Variants in NFIA observed in about 807,000 individuals in gnomAD.
NFIA encodes the protein nuclear factor I A.
A neutral mutation model predicts 62.8 loss-of-function variants in NFIA; 8 were observed. That is an observed-to-expected ratio of 0.13 (90% CI 0.07 to 0.23). The LOEUF (loss-of-function observed/expected upper bound fraction) is 0.23. NFIA is among the 10% of genes least tolerant of loss of function. The probability of loss-of-function intolerance (pLI) is 1.00; values close to 1 mark genes in which losing one functional copy is unlikely to be tolerated. For missense variants in NFIA, 410 were observed against 642.1 expected (o/e 0.64, Z 3.91); for synonymous variants, 235 against 238.1 (o/e 0.99, Z 0.12).
chr1:61,235,993 G>C (rs985651014), intron 2 of NFIA, among the ~76,000 whole-genome samples: 3 of 152,032 alleles, frequency 2.0e-5, no homozygotes, highest in African/African-American at 7.2e-5. Context: ...GGAATGATAT[G>C]TTATTTACAT....
chr1:61,383,207 G>A (rs1164400349), intron 6 of NFIA, 30 bp from the exon 7 acceptor site: 10 of 1,612,058 alleles, frequency 6.2e-6, no homozygotes, highest in East Asian at 4.5e-5. Context: ...ATGAATTAAA[G>A]TGTACTTACC....
chr1:61,324,388 A>G (rs373102200), intron 3 of NFIA, among the ~76,000 whole-genome samples: 5 of 152,220 alleles, frequency 3.3e-5, no homozygotes, highest in African/African-American at 1.2e-4. Flanking sequence ...TACCAAAGGA[A>G]GACTAGAATA....
At chr1:61,265,684 A>T (rs1247406861) in intron 2 of NFIA, among the ~76,000 whole-genome samples, 2 of 152,226 alleles carry the variant, frequency 1.3e-5, no homozygotes, top group East Asian at 3.8e-4. Flanking sequence ...ACATATTTTT[A>T]AGTATTATCC....
intron 2 of NFIA, among the ~76,000 whole-genome samples, chr1:61,178,074 C>G (rs147102555): frequency 6.6e-6 from 1 of 152,108 alleles, no homozygotes; most frequent in African/African-American, 2.4e-5. Flanking sequence ...TCCCCTAGAT[C>G]GCCAGAGATC....
intron 3 of NFIA, among the ~76,000 whole-genome samples, chr1:61,282,888 T>C (rs1446835453): frequency 6.6e-6 from 1 of 151,150 alleles, no homozygotes; most frequent in Non-Finnish European, 1.5e-5. Flanking sequence ...ATGATTTCCT[T>C]TAGGTTTAAT....
chr1:61,113,045 T>A (rs1646731269), intron 2 of NFIA, among the ~76,000 whole-genome samples: 1 of 152,182 alleles, frequency 6.6e-6, no homozygotes, highest in Non-Finnish European at 1.5e-5. Context: ...AAATTTCTCC[T>A]TAAAATGGTA....
At chr1:61,193,429 T>G (rs1651778890) in intron 2 of NFIA, among the ~76,000 whole-genome samples, 1 of 152,224 alleles carries the variant, frequency 6.6e-6, no homozygotes, top group African/African-American at 2.4e-5. Flanking sequence ...GAAGTCACTC[T>G]CTCTGGTGTT....
At chr1:61,228,619 C>T (rs1654476531) in intron 2 of NFIA, among the ~76,000 whole-genome samples, 1 of 152,040 alleles carries the variant, frequency 6.6e-6, no homozygotes, top group South Asian at 2.1e-4. Context: ...AAAATTTCTG[C>T]AGTATTCAAT....
intron 2 of NFIA, among the ~76,000 whole-genome samples, chr1:61,141,182 G>C (rs914935701): frequency 1.3e-5 from 2 of 152,058 alleles, no homozygotes; most frequent in African/African-American, 4.8e-5. Flanking sequence ...GGGTGGGATA[G>C]TCTCTGATGT....
At chr1:61,323,777 A>G (rs940157783) in intron 3 of NFIA, among the ~76,000 whole-genome samples, 29 of 152,208 alleles carry the variant, frequency 1.9e-4, no homozygotes, top group South Asian at 1.0e-3. Context: ...GCTTTAGAGG[A>G]CTACCAAATA....
At chr1:61,165,449 C>T (rs899769426) in intron 2 of NFIA, among the ~76,000 whole-genome samples, 6 of 152,130 alleles carry the variant, frequency 3.9e-5, no homozygotes, top group African/African-American at 7.2e-5. Context: ...TACCAAACCA[C>T]GTATGTATTT....
intron 2 of NFIA, among the ~76,000 whole-genome samples, chr1:61,127,083 C>A (rs334738): frequency 0.78 from 116,075 of 149,446 alleles, 46,012 homozygotes; most frequent in Middle Eastern, 0.87. Flanking sequence ...TCGCTTGAAC[C>A]CAGGAGGTGG....
intron 2 of NFIA, among the ~76,000 whole-genome samples, chr1:61,105,444 T>C (rs1168982442): frequency 2.0e-5 from 3 of 151,982 alleles, no homozygotes; most frequent in African/African-American, 7.2e-5. Flanking sequence ...ATTAGCAGAA[T>C]TATAGCATCT....
chr1:61,200,248 G>A (rs1344372881), intron 2 of NFIA, among the ~76,000 whole-genome samples: 3 of 151,184 alleles, frequency 2.0e-5, no homozygotes, highest in Non-Finnish European at 4.4e-5. Context: ...TCATGATCTT[G>A]TGCAAATCAC....
At chr1:61,374,093 G>A (rs770375645) in intron 6 of NFIA, among the ~76,000 whole-genome samples, 1 of 152,116 alleles carries the variant, frequency 6.6e-6, no homozygotes, top group Non-Finnish European at 1.5e-5. Context: ...GTGGCTAGTA[G>A]CTACCATATT....
intron 10 of NFIA, among the ~76,000 whole-genome samples, chr1:61,430,708 T>G (rs1667063880): frequency 1.3e-5 from 2 of 152,234 alleles, no homozygotes; most frequent in South Asian, 4.1e-4. Context: ...GCCTTCTCTT[T>G]AGCCTTGCCT....
chr1:61,081,190 G>C (rs1221182692), upstream of NFIA, among the ~76,000 whole-genome samples: 2 of 151,910 alleles, frequency 1.3e-5, no homozygotes, highest in African/African-American at 4.8e-5. Context: ...AGGGATGGGG[G>C]CTTAGAAGAG....
At chr1:61,323,358 A>T (rs1475378501) in intron 3 of NFIA, among the ~76,000 whole-genome samples, 2 of 152,200 alleles carry the variant, frequency 1.3e-5, no homozygotes, top group South Asian at 2.1e-4. Flanking sequence ...TTTCAGCCTT[A>T]CTGTCAGTCC....
intron 2 of NFIA, among the ~76,000 whole-genome samples, chr1:61,138,773 G>A (rs1647283715): frequency 6.6e-6 from 1 of 151,666 alleles, no homozygotes; most frequent in Non-Finnish European, 1.5e-5. Context: ...GTAGAGACAT[G>A]GTTTCACCAT....
Sources: gnomAD v4.1 joint callset for allele counts (sites outside exome capture counted in the v4.1 genomes callset) on GRCh38, gnomAD v4.1.1 for gene constraint, MANE v1.5 for transcripts, NCBI Gene and HGNC (gene_info 2026-07-23, HGNC 2026-07-21) for gene names.